The following ERC2 variants were observed in gnomAD, a reference collection of about 807,000 sequenced individuals.
ERC2 encodes ELKS/RAB6-interacting/CAST family member 2.
A neutral mutation model predicts 114.8 loss-of-function variants in ERC2; 42 were observed. The observed-to-expected ratio is 0.37, with a 90% confidence interval of 0.29 to 0.47. ERC2 has a LOEUF of 0.47. Ranked by LOEUF, ERC2 falls within the 20% of genes least tolerant of loss-of-function variation. The pLI, the probability that ERC2 is intolerant of heterozygous loss-of-function variation, is 0.99. For missense variants in ERC2, 939 were observed against 1,150.7 expected, an observed-to-expected ratio of 0.82 and a Z score of 2.66; for synonymous variants, 454 against 425.5, an observed-to-expected ratio of 1.07 and a Z score of -0.82.
intron 17 of ERC2, among the ~76,000 whole-genome samples, chr3:55,571,614 C>T (rs1364923761): frequency 6.6e-6 from 1 of 152,194 alleles, no homozygotes; most frequent in Admixed American, 6.5e-5. Context: ...AACAAAGGCT[C>T]TTGCCCACGT....
At chr3:55,550,491 A>C (rs1336826132) in intron 17 of ERC2, among the ~76,000 whole-genome samples, 1 of 152,210 alleles carries the variant, frequency 6.6e-6, no homozygotes, top group Admixed American at 6.5e-5. Context: ...TGAATTAGGT[A>C]ACATCTACCT....
chr3:56,276,420 T>C (rs547611430), intron 3 of ERC2, among the ~76,000 whole-genome samples: 15 of 138,306 alleles, frequency 1.1e-4, no homozygotes, highest in Non-Finnish European at 1.5e-4. Flanking sequence ...GATACTGCCA[T>C]GCTCTGCACC....
intron 14 of ERC2, among the ~76,000 whole-genome samples, chr3:55,863,876 T>C (rs1301240256): frequency 1.3e-5 from 2 of 151,772 alleles, no homozygotes; most frequent in African/African-American, 4.8e-5. Context: ...TCAATTGTAC[T>C]AGCCGTATCT....
chr3:55,696,694 G>A (rs1347778553), intron 16 of ERC2, among the ~76,000 whole-genome samples: 2 of 152,138 alleles, frequency 1.3e-5, no homozygotes, highest in Non-Finnish European at 2.9e-5. Context: ...ATTTATAACA[G>A]TACATATACT....
At chr3:55,759,585 T>G (rs756986672) in intron 14 of ERC2, among the ~76,000 whole-genome samples, 10 of 148,924 alleles carry the variant, frequency 6.7e-5, no homozygotes, top group Non-Finnish European at 1.5e-4. Context: ...CAAAAAAATG[T>G]AACATTAAAA....
At chr3:56,382,893 G>A (rs916402958) in intron 2 of ERC2, among the ~76,000 whole-genome samples, 2 of 151,986 alleles carry the variant, frequency 1.3e-5, no homozygotes, top group African/African-American at 2.4e-5. Flanking sequence ...GATACCCCAA[G>A]GTTCAGATGC....
chr3:55,863,709 A>G (rs978334170), intron 14 of ERC2, among the ~76,000 whole-genome samples: 2 of 152,192 alleles, frequency 1.3e-5, no homozygotes, highest in African/African-American at 4.8e-5. Context: ...GCCACATCAT[A>G]AAAGTAAAAA....
At chr3:56,404,122 C>G (rs1244578603) in intron 2 of ERC2, among the ~76,000 whole-genome samples, 1 of 152,124 alleles carries the variant, frequency 6.6e-6, no homozygotes, top group Non-Finnish European at 1.5e-5. Flanking sequence ...TTACAATGTT[C>G]TCAAATATAT....
At chr3:56,447,994 C>G (rs756084854) in intron 1 of ERC2, among the ~76,000 whole-genome samples, 1 of 152,090 alleles carries the variant, frequency 6.6e-6, no homozygotes, top group African/African-American at 2.4e-5. Flanking sequence ...CCACCCGCCT[C>G]GGCCTCCCAA....
chr3:56,154,420 C>G (rs187771725), intron 4 of ERC2, among the ~76,000 whole-genome samples: 1 of 152,058 alleles, frequency 6.6e-6, no homozygotes, highest in African/African-American at 2.4e-5. Context: ...AACTAGGGTG[C>G]TTTGATGTTT....
At chr3:56,143,093 G>C (rs1027664721) in intron 5 of ERC2, among the ~76,000 whole-genome samples, 1 of 152,118 alleles carries the variant, frequency 6.6e-6, no homozygotes, top group Non-Finnish European at 1.5e-5. Context: ...CTTCCCTGGA[G>C]TCCCCTAGTC....
intron 12 of ERC2, among the ~76,000 whole-genome samples, chr3:55,971,870 G>A (rs930015421): frequency 6.6e-6 from 1 of 152,172 alleles, no homozygotes; most frequent in Non-Finnish European, 1.5e-5. Flanking sequence ...GGGAGTCAAA[G>A]AGGAGTGAGT....
intron 2 of ERC2, chr3:56,433,905 A>G (rs113140805): frequency 0.01 from 1,724 of 168,774 alleles, 28 homozygotes; most frequent in African/African-American, 0.039. Flanking sequence ...GTGGGAAATA[A>G]TGGTGCTGGT....
intron 10 of ERC2, among the ~76,000 whole-genome samples, chr3:55,995,275 G>T (rs2071418112): frequency 6.6e-6 from 1 of 152,164 alleles, no homozygotes; most frequent in Non-Finnish European, 1.5e-5. Flanking sequence ...GGAGGTTTCA[G>T]TGAGCCAAGA....
chr3:55,888,428 A>G lies in ERC2; in HGVS notation c.2525T>C (p.Ile842Thr), dbSNP rs200582069. Residue 842 changes from isoleucine to threonine, a missense_variant, in exon 14 of 18, where the codon ATT (isoleucine) becomes ACT (threonine). Physicochemically the swap from Ile to Thr is moderately conservative, Grantham distance 89. Coordinates refer to ENST00000288221, the MANE Select transcript of ERC2 (RefSeq NM_015576.3). ...EKEAHLANLRIERRKQLEEIL... is the reference protein window; with the variant it reads ...EKEAHLANLRTERRKQLEEIL... Reference sequence around the variant, plus strand: ...CTCCTCCAGCTGTTTCCTCCTCTCAATCCGGAGGTTGGCCAAGTGCGCTTC... The same window carrying G: ...CTCCTCCAGCTGTTTCCTCCTCTCAGTCCGGAGGTTGGCCAAGTGCGCTTC... 1.5e-4 allele frequency: 242 copies of G among 1,613,668 alleles called. 1 individual carries two copies. The highest frequency in any genetic ancestry group is 3.3e-5 in the Admixed American group (2 of 59,984).
At chr3:56,347,353 T>C (rs1001156189) in intron 2 of ERC2, among the ~76,000 whole-genome samples, 5 of 152,120 alleles carry the variant, frequency 3.3e-5, no homozygotes, top group African/African-American at 1.2e-4. Context: ...ACCACATCTC[T>C]GCTTTGTCAG....
intron 5 of ERC2, among the ~76,000 whole-genome samples, chr3:56,140,917 G>A (rs560241927): frequency 2.6e-5 from 4 of 152,178 alleles, no homozygotes; most frequent in African/African-American, 4.8e-5. Context: ...CCAGCTACTC[G>A]GGAGGCTGAG....
chr3:56,296,755 G>A (rs1002447637), intron 2 of ERC2, among the ~76,000 whole-genome samples: 1 of 152,122 alleles, frequency 6.6e-6, no homozygotes, highest in African/African-American at 2.4e-5. Context: ...AGGTTAGAAG[G>A]AAACTTTCAC....
intron 2 of ERC2, among the ~76,000 whole-genome samples, chr3:56,402,064 A>G (rs974112850): frequency 1.1e-4 from 17 of 152,122 alleles, no homozygotes; most frequent in African/African-American, 3.6e-4. Flanking sequence ...CTAATTCACT[A>G]CCACAAGAAC....
Sources: allele counts gnomAD v4.1 joint callset (sites outside exome capture counted in the v4.1 genomes callset), GRCh38; gene constraint gnomAD v4.1.1; transcripts MANE v1.5; gene names NCBI Gene and HGNC (gene_info 2026-07-23, HGNC 2026-07-21).